Variants in PDLIM2 observed in about 807,000 individuals in gnomAD.
PDLIM2 encodes the protein PDZ and LIM domain protein 2.
Under a neutral mutation model 54.1 loss-of-function variants are expected in PDLIM2, and 51 were observed. The ratio of observed to expected loss-of-function variants is 0.94; its 90% CI spans 0.75 to 1.19. PDLIM2 has a LOEUF of 1.19. Ranked by LOEUF, PDLIM2 falls within the 50% of genes most tolerant of loss-of-function variation. PDLIM2 has a pLI of 0.00. For missense variants in PDLIM2, 912 were observed against 874.0 expected, an observed-to-expected ratio of 1.04 and a Z score of -0.55; for synonymous variants, 398 against 385.6, an observed-to-expected ratio of 1.03 and a Z score of -0.38.
At chr8:22,581,098 G>A (rs976739057) in intron 2 of PDLIM2, 10 of 682,190 alleles carry the variant, frequency 1.5e-5, no homozygotes, top group African/African-American at 3.6e-5. Context: ...GCACGGGCAA[G>A]GCTCTCTATC....
chr8:22,594,603 G>A (rs199923309), downstream of PDLIM2: 14 of 1,614,024 alleles, frequency 8.7e-6, no homozygotes, highest in East Asian at 6.7e-5. Context: ...GGCGCCAAGC[G>A]GAGGGACAGG....
chr8:22,589,865 G>A (rs1454159414), intron 8 of PDLIM2, 124 bp downstream of exon 7: 25 of 1,351,944 alleles, frequency 1.8e-5, no homozygotes, highest in Non-Finnish European at 1.8e-5. Flanking sequence ...GACTAGGCAC[G>A]GAGCCGAGCA....
chr8:22,594,586 GGTGGAGGGCGCCAA>G, downstream of PDLIM2: 4 of 1,614,124 alleles, frequency 2.5e-6, no homozygotes, highest in Non-Finnish European at 3.4e-6. Context: ...TGGAGGGGAT[GGTGGAGGGCGCCAA>G]GCGGAGGGAC....
At chr8:22,579,589 G>T in intron 1 of PDLIM2, 2 of 1,402,030 alleles carry the variant, frequency 1.4e-6, no homozygotes, top group East Asian at 3.0e-5. Context: ...GCGGTGCTGG[G>T]AACAGAGGCT....
At chr8:22,592,899 A>C (rs1800593927) in intron 9 of PDLIM2, 1 of 152,210 alleles carries the variant, frequency 6.6e-6, no homozygotes, top group South Asian at 2.1e-4. Context: ...TTTTTAATAG[A>C]GTTTCACTCT....
At chr8:22,592,014 G>A (rs1800563400) in intron 9 of PDLIM2, 3 of 187,870 alleles carry the variant, frequency 1.6e-5, no homozygotes, top group Non-Finnish European at 3.2e-5. Flanking sequence ...TTTGGAGCAG[G>A]CTGCATTTTT....
At chr8:22,585,135 T>C in exon 5 of PDLIM2, 2 of 1,613,630 alleles carry the variant, frequency 1.2e-6, no homozygotes, top group Non-Finnish European at 1.7e-6. Flanking sequence ...AGCAGCTCCC[T>C]CACTGGAGAG....
chr8:22,589,330 G>A (rs1003157594), exon 7 of PDLIM2: 3 of 1,534,226 alleles, frequency 2.0e-6, no homozygotes, highest in Admixed American at 3.9e-5. Flanking sequence ...ACTCGGCGGT[G>A]CTGGTGCTGC....
intron 6 of PDLIM2, among the ~76,000 whole-genome samples, chr8:22,585,872 G>T (rs1356869782): frequency 6.6e-6 from 1 of 151,226 alleles, no homozygotes; most frequent in Non-Finnish European, 1.5e-5. Flanking sequence ...TGGGACTGCG[G>T]TTCTGCCTTG....
chr8:22,593,487 G>A, intron 9 of PDLIM2: 1 of 490,710 alleles, frequency 2.0e-6, no homozygotes, highest in Non-Finnish European at 3.6e-6. Flanking sequence ...TGGTGCAGGA[G>A]TATCGCTTGA....
At chr8:22,592,003 C>T (rs564671517) in intron 9 of PDLIM2, 1 of 200,504 alleles carries the variant, frequency 5.0e-6, no homozygotes, top group Admixed American at 6.0e-5. Context: ...CTTCTTCCCC[C>T]TTTGGAGCAG....
rs2294048 is a variant in PDLIM2 at position 22,585,063 on chromosome 8, C to A, written c.1112C>A (p.Ser371Tyr). Residue 371 changes from serine to tyrosine, a missense_variant, in exon 5 of 10, where the codon TCC becomes TAC. Ser to Tyr is a moderately radical substitution (Grantham distance 144, BLOSUM62 -2). Coordinates refer to ENST00000308354, the Ensembl canonical transcript of PDLIM2. ...GAGAGTCAGTCCTCCTTAAGGTCCT[C>A]CTACTCCAGCCCAACCTCCCTCAGC... The A allele has an allele frequency of 2.0e-5, 33 of 1,613,942 alleles. No individual in the cohort carries two copies. In the East Asian group the frequency reaches 7.4e-4, roughly 36 times the overall value.
At chr8:22,593,990 G>A (rs1365627232) in exon 10 of PDLIM2, 1 of 1,489,472 alleles carries the variant, frequency 6.7e-7, no homozygotes, top group South Asian at 1.3e-5. Flanking sequence ...ACAATGGTGG[G>A]CAGTTGCTCT....
intron 6 of PDLIM2, among the ~76,000 whole-genome samples, chr8:22,586,728 G>A (rs550298537): frequency 8.5e-5 from 13 of 152,248 alleles, no homozygotes; most frequent in Middle Eastern, 3.4e-3. Context: ...CAGGACCCAC[G>A]TGCTCAAGGG....
intron 1 of PDLIM2, chr8:22,579,644 AC>A: frequency 8.4e-7 from 1 of 1,184,198 alleles, no homozygotes. Flanking sequence ...GAGCGGACAG[AC>A]CGCTGGTGCT....
chr8:22,580,518 C>T, intron 1 of PDLIM2: 12 of 1,605,378 alleles, frequency 7.5e-6, no homozygotes, highest in Admixed American at 1.7e-5. Context: ...TCTCCTTCTC[C>T]CTTTGGCTCC....
At chr8:22,588,891 G>A (rs1399712572) in intron 6 of PDLIM2, 1 of 269,694 alleles carries the variant, frequency 3.7e-6, no homozygotes, top group Non-Finnish European at 7.1e-6. Context: ...AGTGCAAAAG[G>A]GCAGCGTGCT....
intron 9 of PDLIM2, 98 bp downstream of exon 8, chr8:22,591,766 G>A (rs1337051397): frequency 8.9e-7 from 1 of 1,125,806 alleles, no homozygotes; most frequent in African/African-American, 1.6e-5. Flanking sequence ...GCCCATCAGG[G>A]GCTAGCACTG....
At chr8:22,597,540 T>G (rs1800705643), downstream of PDLIM2, 1 of 152,684 alleles carries the variant, frequency 6.5e-6, no homozygotes, top group African/African-American at 2.4e-5. Flanking sequence ...GCTGAGACAC[T>G]GCATTCCTGC....
Sources: gnomAD v4.1 joint callset for allele counts (sites outside exome capture counted in the v4.1 genomes callset) on GRCh38, gnomAD v4.1.1 for gene constraint, MANE v1.5 for transcripts, NCBI Gene and HGNC (gene_info 2026-07-23, HGNC 2026-07-21) for gene names.